NUP93: variants seen among roughly 807,000 people sequenced by gnomAD.
The protein encoded by NUP93 is nuclear pore complex protein Nup93.
A neutral mutation model predicts 107.8 loss-of-function variants in NUP93; 55 were observed. The observed-to-expected ratio is 0.51, with a 90% CI of 0.41 to 0.64. The LOEUF (loss-of-function observed/expected upper bound fraction) is 0.64. Among genes scored for constraint, NUP93 ranks in the 30% least tolerant of loss-of-function variants. NUP93 has a pLI of 0.00. For synonymous variants in NUP93, 390 were observed against 397.5 expected (o/e 0.98, Z 0.22); for missense variants, 937 against 1,044.7 (o/e 0.90, Z 1.42).
intron 3 of NUP93, among the ~76,000 whole-genome samples, chr16:56,797,960 G>T (rs1172192500): frequency 1.3e-5 from 2 of 152,194 alleles, no homozygotes; most frequent in African/African-American, 2.4e-5. Context: ...AACAGAGAGT[G>T]CACATGGCAA....
rs140226964 is a variant in NUP93, at chr16:56,821,560, C to G, written c.621C>G (p.Asp207Glu). ...VNGHLQPNLV[D>E]LCASVAELDD... Reference sequence around the variant, plus strand: ...GACACCTGCAGCCTAACCTGGTGGACCTTTGTGCTTCCGTCGCAGAGCTCG... The same window carrying G: ...GACACCTGCAGCCTAACCTGGTGGAGCTTTGTGCTTCCGTCGCAGAGCTCG... The change falls in exon 7 of 22, where the codon GAC becomes GAG. Residue 207 changes from aspartate to glutamate, a missense_variant. By Grantham distance (45) the Asp-to-Glu change is conservative. Coordinates refer to ENST00000308159, the MANE Select transcript of NUP93 (RefSeq NM_014669.5). 3.1e-4 allele frequency: 494 copies of G among 1,613,150 alleles called. No homozygotes were observed. The highest frequency in any genetic ancestry group is 2.9e-4 in the Non-Finnish European group (345 of 1,179,368).
chr16:56,759,305 G>C (rs1962083365), intron 3 of NUP93, among the ~76,000 whole-genome samples: 1 of 152,244 alleles, frequency 6.6e-6, no homozygotes, highest in African/African-American at 2.4e-5. Context: ...AGAGTGAAGG[G>C]ACAGTGGGGC....
intron 3 of NUP93, among the ~76,000 whole-genome samples, chr16:56,796,752 T>C (rs1962907660): frequency 6.6e-6 from 1 of 152,038 alleles, no homozygotes; most frequent in Non-Finnish European, 1.5e-5. Flanking sequence ...GCCAAGGCGG[T>C]TGGATCACAA....
intron 5 of NUP93, 140 bp from the exon 6 acceptor site, chr16:56,818,524 A>G (rs1963480212): frequency 3.1e-6 from 2 of 653,806 alleles, no homozygotes; most frequent in South Asian, 2.0e-5. Context: ...CCCTAAAATC[A>G]TCACTTTGAG....
At chr16:56,802,410 G>A (rs150994904) in intron 4 of NUP93, among the ~76,000 whole-genome samples, 59 of 146,982 alleles carry the variant, frequency 4.0e-4, no homozygotes, top group African/African-American at 1.4e-3. Context: ...GGTTTTTCTC[G>A]GTATTTTTCA....
At chr16:56,793,856 C>T (rs1160406878) in intron 3 of NUP93, among the ~76,000 whole-genome samples, 1 of 152,100 alleles carries the variant, frequency 6.6e-6, no homozygotes, top group Non-Finnish European at 1.5e-5. Flanking sequence ...AGTTCGCGAC[C>T]AGCCTGACCA....
At chr16:56,757,704 T>G (rs1398974715) in intron 2 of NUP93, among the ~76,000 whole-genome samples, 1 of 152,222 alleles carries the variant, frequency 6.6e-6, no homozygotes, top group Non-Finnish European at 1.5e-5. Flanking sequence ...ATTATTAGAC[T>G]GGGCAGCAGA....
At chr16:56,758,513 C>G (rs1329255484) in intron 2 of NUP93, 25 bp from the exon 3 acceptor site, 3 of 1,540,640 alleles carry the variant, frequency 1.9e-6, no homozygotes, top group Non-Finnish European at 2.7e-6. Flanking sequence ...TTACTTATAT[C>G]TCCCTATTCT....
At chr16:56,760,251 G>A (rs1179735450) in intron 3 of NUP93, among the ~76,000 whole-genome samples, 2 of 152,206 alleles carry the variant, frequency 1.3e-5, no homozygotes, top group Admixed American at 1.3e-4. Context: ...CTCTTGGCCA[G>A]GCACAGTCGC....
At chr16:56,753,542 C>G (rs1306974778) in intron 2 of NUP93, among the ~76,000 whole-genome samples, 2 of 152,216 alleles carry the variant, frequency 1.3e-5, no homozygotes, top group Non-Finnish European at 2.9e-5. Context: ...TGGAGACTCT[C>G]AGGCTCCATC....
chr16:56,827,069 A>AAAAAAAAAAAAAAAAACAAAAAAAT (rs1430722800), intron 8 of NUP93, among the ~76,000 whole-genome samples: 1 of 125,664 alleles, frequency 8.0e-6, no homozygotes, highest in Non-Finnish European at 1.7e-5. Flanking sequence ...AAAAAAAAAA[A>AAAAAAAAAAAAAAAAACAAAAAAAT]TTTTGTTGAG....
chr16:56,831,734 A>G (rs1963790264), intron 10 of NUP93, 108 bp from the exon 11 acceptor site: 2 of 1,139,852 alleles, frequency 1.8e-6, no homozygotes, highest in Non-Finnish European at 2.5e-6. Flanking sequence ...ACCCCGGATG[A>G]AGGAAGGCTT....
At chr16:56,763,470 A>G (rs1267306363) in intron 3 of NUP93, among the ~76,000 whole-genome samples, 1 of 151,952 alleles carries the variant, frequency 6.6e-6, no homozygotes, top group Non-Finnish European at 1.5e-5. Context: ...TTTCCAAGGT[A>G]GAAGGAACTG....
Position 56,833,326 on chromosome 16 carries a change from G to A in NUP93, c.1457G>A (p.Arg486His), listed in dbSNP as rs377453680. 4.9e-5 allele frequency: 78 copies of A among 1,606,010 alleles called. No homozygotes were observed. The highest frequency in any genetic ancestry group is 1.7e-4 in the African/African-American group (13 of 74,390). Reference protein sequence around the residue: ...VAFLFRMERLRCHAVHVALVL... With the variant: ...VAFLFRMERLHCHAVHVALVL... ...TTTCTTTTCCGCATGGAGCGGCTGCGCTGCCATGCTGTCCATGTAGCACTG... is the reference window on the plus strand; with the variant it reads ...TTTCTTTTCCGCATGGAGCGGCTGCACTGCCATGCTGTCCATGTAGCACTG... Residue 486 changes from arginine to histidine, a missense_variant, in exon 13 of 22, where the codon CGC (arginine) becomes CAC (histidine). Transcript: ENST00000308159.
In NUP93 at chr16:56,829,099, C is replaced by T; in HGVS notation, c.917C>T (p.Pro306Leu). Residue 306 changes from proline to leucine, a missense_variant, in exon 9 of 22, where the codon CCT becomes CTT. Physicochemically the swap from Pro to Leu is moderately conservative, Grantham distance 98. Transcript: ENST00000308159. ...FLNIKLPAPL[P>L]GLQDGEVEGH... Reference sequence around the variant, plus strand: ...AACATTAAACTGCCAGCTCCCTTGCCTGGACTACAGGTACTGACAACTTTC... The same window carrying T: ...AACATTAAACTGCCAGCTCCCTTGCTTGGACTACAGGTACTGACAACTTTC... 2.5e-6 allele frequency: 4 copies of T among 1,613,128 alleles called. No homozygotes were observed. Among genetic ancestry groups the T allele is most frequent in the Non-Finnish European group, 3.4e-6 (4 of 1,179,750 alleles).
At chr16:56,753,705 A>G (rs780190834) in intron 2 of NUP93, among the ~76,000 whole-genome samples, 4 of 152,212 alleles carry the variant, frequency 2.6e-5, no homozygotes, top group Non-Finnish European at 5.9e-5. Context: ...ATCTTCAACA[A>G]AGATTATAAG....
chr16:56,822,117 G>C (rs1009973211), intron 7 of NUP93, among the ~76,000 whole-genome samples: 5 of 144,472 alleles, frequency 3.5e-5, no homozygotes, highest in African/African-American at 2.7e-5. Flanking sequence ...AAAAAAAAAA[G>C]GGGGATGGAT....
chr16:56,804,648 C>G (rs1963093211), intron 4 of NUP93, among the ~76,000 whole-genome samples: 2 of 152,118 alleles, frequency 1.3e-5, no homozygotes, highest in African/African-American at 4.8e-5. Context: ...GTGGCTCACA[C>G]CTGTAATCCC....
chr16:56,822,436 CG>C (rs1191429082), intron 7 of NUP93, among the ~76,000 whole-genome samples: 4 of 148,998 alleles, frequency 2.7e-5, no homozygotes, highest in South Asian at 2.1e-4. Context: ...TGCCTGAGTC[CG>C]GGGGGGCCCA....
Sources: gnomAD v4.1 joint callset for allele counts (sites outside exome capture counted in the v4.1 genomes callset) on GRCh38, gnomAD v4.1.1 for gene constraint, MANE v1.5 for transcripts, NCBI Gene and HGNC (gene_info 2026-07-23, HGNC 2026-07-21) for gene names.